The following OSBPL10 variants were observed in gnomAD, a reference collection of about 807,000 sequenced individuals.
The protein encoded by OSBPL10 is oxysterol binding protein like 10.
A neutral mutation model predicts 81.7 loss-of-function variants in OSBPL10; 49 were observed. That is an observed-to-expected ratio of 0.60 (90% CI 0.48 to 0.76). The LOEUF is 0.76. OSBPL10 is among the 30% of genes least tolerant of loss of function. OSBPL10 has a pLI of 0.00. For synonymous variants in OSBPL10, 419 were observed against 383.6 expected (o/e 1.09, Z -1.08); for missense variants, 923 against 987.8 (o/e 0.93, Z 0.88).
intron 2 of OSBPL10, chr3:32,030,612 CT>C: frequency 7.5e-7 from 1 of 1,331,968 alleles, no homozygotes; most frequent in Non-Finnish European, 1.1e-6. Flanking sequence ...GAGAAGCACA[CT>C]TTGTGAGAAC....
chr3:32,015,126 C>T (rs1452037312), intron 2 of OSBPL10, among the ~76,000 whole-genome samples: 1 of 152,146 alleles, frequency 6.6e-6, no homozygotes, highest in African/African-American at 2.4e-5. Context: ...AAAAAAGAGC[C>T]TGCATTGCTA....
chr3:31,984,897 A>AT (rs980281600), upstream of OSBPL10, among the ~76,000 whole-genome samples: 1 of 152,108 alleles, frequency 6.6e-6, no homozygotes, highest in African/African-American at 2.4e-5. Context: ...GCTATGTCGA[A>AT]TTTTTTTTAC....
chr3:31,804,759 G>A (rs4955203), intron 4 of OSBPL10, among the ~76,000 whole-genome samples: 70,685 of 152,042 alleles, frequency 0.46, 17,321 homozygotes, highest in East Asian at 0.74. Flanking sequence ...AGCAGCATTC[G>A]TGATCTAAAT....
intron 1 of OSBPL10, among the ~76,000 whole-genome samples, chr3:31,956,706 C>T (rs759724298): frequency 1.8e-4 from 28 of 151,356 alleles, no homozygotes; most frequent in Non-Finnish European, 3.1e-4. Context: ...CCAACCTGGG[C>T]GACAAGAGCG....
intron 1 of OSBPL10, among the ~76,000 whole-genome samples, chr3:32,054,773 C>A (rs927115303): frequency 1.4e-4 from 22 of 152,186 alleles, no homozygotes; most frequent in Admixed American, 1.2e-3. Context: ...CCTCATGATC[C>A]ACCTGCCTCA....
At chr3:31,995,108 C>T (rs1363347072) in intron 2 of OSBPL10, among the ~76,000 whole-genome samples, 1 of 152,206 alleles carries the variant, frequency 6.6e-6, no homozygotes, top group Non-Finnish European at 1.5e-5. Flanking sequence ...AGGACAAAAT[C>T]AGAACTCCTG....
chr3:31,688,435 G>T (rs553936916), intron 7 of OSBPL10, among the ~76,000 whole-genome samples: 11 of 152,052 alleles, frequency 7.2e-5, no homozygotes, highest in African/African-American at 2.7e-4. Flanking sequence ...CAAGGCTAAA[G>T]CAACAACCCC....
chr3:31,782,790 G>C (rs917623015), intron 4 of OSBPL10, among the ~76,000 whole-genome samples: 1 of 152,086 alleles, frequency 6.6e-6, no homozygotes, highest in African/African-American at 2.4e-5. Flanking sequence ...AAAAATAACA[G>C]ATGTTGGCAT....
At chr3:31,767,581 C>T (rs2340521) in intron 4 of OSBPL10, among the ~76,000 whole-genome samples, 90,821 of 151,422 alleles carry the variant, frequency 0.6, 31,300 homozygotes, top group East Asian at 0.81. Flanking sequence ...TAGAAGTCCC[C>T]GTGCCCCAAG....
rs1697496552 is a variant in OSBPL10 at position 31,745,641 on chromosome 3, G to A, written c.940+2269C>T. ...GGGAAGACGCCTGCCACAGTGGAAA[G>A]AGCCTGGTTCTGCCCTCGTTCTGCC... On this transcript the variant is annotated intron_variant, in intron 5 of 11. Coordinates refer to ENST00000396556, the MANE Select transcript of OSBPL10 (RefSeq NM_017784.5). Among the ~76,000 whole-genome samples the A allele has an allele frequency of 1.3e-5, 2 of 152,326 alleles. 1 individual carries two copies. The highest frequency in any genetic ancestry group is 4.1e-4 in the South Asian group (2 of 4,828).
chr3:31,662,617 T>C, intron 11 of OSBPL10: 1 of 992,292 alleles, frequency 1.0e-6, no homozygotes, highest in Non-Finnish European at 1.2e-6. Flanking sequence ...ATTAAAATGG[T>C]ATTAATACCA....
At chr3:31,723,330 G>A (rs766884521) in intron 6 of OSBPL10, among the ~76,000 whole-genome samples, 55 of 152,312 alleles carry the variant, frequency 3.6e-4, no homozygotes, top group African/African-American at 1.0e-3. Flanking sequence ...TGGAGTCCAC[G>A]GCCTTGGCCA....
Position 32,055,803 on chromosome 3 carries a change from A to G in OSBPL10, n.186-9200T>C, listed in dbSNP as rs144234271. Among the ~76,000 whole-genome samples, 411 of 152,252 alleles carry G rather than the reference A, an allele frequency of 2.7e-3. 3 individuals carry two copies. The highest frequency in any genetic ancestry group is 9.3e-3 in the African/African-American group (387 of 41,544). On this transcript the variant is annotated intron_variant and non_coding_transcript_variant, in intron 1 of 3. Transcript: ENST00000479173. ...ACACAGTTCCTGTACAGGGTCCCTA[A>G]TCTGTGGTAAGTAAAGAATGCCACT...
Position 31,981,123 on chromosome 3 carries a change from G to A in OSBPL10, c.57C>T (p.Arg19=). 8 of 1,493,130 alleles carry A rather than the reference G, an allele frequency of 5.4e-6. No homozygotes were observed. Among genetic ancestry groups the A allele is most frequent in the Non-Finnish European group, 7.1e-6 (8 of 1,126,278 alleles). The allele number at this position is 1,493,130 out of a possible 1,614,324, so 92.5% of individuals were successfully genotyped here. A position where few individuals can be genotyped will look rare whatever the true frequency, so the allele number is the denominator to read the frequency against. Residue 19 remains arginine, a synonymous_variant, in exon 1 of 12, where the codon CGC becomes CGT. Transcript: ENST00000396556. This position sits in a 1 kb window ranked among gnomAD's most constrained non-coding sequence, Gnocchi z 4.5. ...CCGCCGAGGTAGCACGGCTGCTGCTGCGGCTGCTGCTGTTGCTACCCCCGC... is the reference window on the plus strand; with the variant it reads ...CCGCCGAGGTAGCACGGCTGCTGCTACGGCTGCTGCTGTTGCTACCCCCGC... ...DGGGGSNSSS[R]SSSRATSAGS...
intron 1 of OSBPL10, among the ~76,000 whole-genome samples, chr3:31,889,166 A>G (rs1321918395): frequency 6.6e-6 from 1 of 152,228 alleles, no homozygotes; most frequent in African/African-American, 2.4e-5. Flanking sequence ...GCTGGTGAAG[A>G]TACAAAGAAA....
chr3:31,710,819 G>C (rs1696229326), intron 6 of OSBPL10: 1 of 152,180 alleles, frequency 6.6e-6, no homozygotes, highest in Non-Finnish European at 1.5e-5. Context: ...AGCCTTCCTG[G>C]AGCTCTGATA....
intron 1 of OSBPL10, among the ~76,000 whole-genome samples, chr3:32,074,007 T>C (rs766223369): frequency 2.6e-5 from 4 of 152,132 alleles, no homozygotes; most frequent in Non-Finnish European, 2.9e-5. Context: ...AGCAATCTCA[T>C]CCACTTTGTC....
At chr3:31,978,449 C>G (rs981134086) in intron 1 of OSBPL10, among the ~76,000 whole-genome samples, 3 of 152,178 alleles carry the variant, frequency 2.0e-5, no homozygotes, top group African/African-American at 7.2e-5. Flanking sequence ...TTCAAAGTTT[C>G]TATTTTTATC....
At position 31,980,946 on chromosome 3, in the gene OSBPL10, C is replaced by G. The variant is rs763312845; in HGVS notation, c.234G>C (p.Glu78Asp). 11 of 1,579,304 alleles carry G rather than the reference C, an allele frequency of 7.0e-6. No homozygotes were observed. Among genetic ancestry groups the G allele is most frequent in the Non-Finnish European group, 9.4e-6 (11 of 1,166,466 alleles). Residue 78 changes from glutamate (E) to aspartate (D), a missense_variant, in exon 1 of 12, where the codon GAG becomes GAC. By Grantham distance (45) the Glu-to-Asp change is conservative. Around this residue, in one of 3 missense-constraint regions of OSBPL10, gnomAD observed 514 missense variants for 508.0 expected, o/e 1.01. Coordinates refer to ENST00000396556, the MANE Select transcript of OSBPL10 (RefSeq NM_017784.5). ...GGTTGGTGTATTTGCTGAGCACGCC[C>G]TCGAGCGCCGGCTCCCTCCTGCGGC... is the stretch of plus-strand genomic sequence containing the variant. Reference protein sequence around the residue: ...GGGRRREPALEGVLSKYTNLL... With the variant: ...GGGRRREPALDGVLSKYTNLL...
Sources: allele counts gnomAD v4.1 joint callset (sites outside exome capture counted in the v4.1 genomes callset), GRCh38; gene constraint gnomAD v4.1.1; regional missense constraint gnomAD v4.1.1; non-coding constraint Gnocchi (gnomAD v3.1); transcripts MANE v1.5; gene names NCBI Gene and HGNC (gene_info 2026-07-23, HGNC 2026-07-21).